BCL2L14: variants seen among roughly 807,000 people sequenced by gnomAD.
BCL2L14 encodes BCL2 like 14, also known as apoptosis facilitator Bcl-2-like protein 14.
Under a neutral mutation model 35.3 loss-of-function variants are expected in BCL2L14, and 27 were observed. The observed-to-expected ratio is 0.76, with a 90% confidence interval of 0.56 to 1.05. BCL2L14 has a LOEUF of 1.05. BCL2L14 is among the 50% of genes least tolerant of loss of function. The probability of loss-of-function intolerance (pLI) is 0.00; values close to 1 mark genes in which losing one functional copy is unlikely to be tolerated. For missense variants in BCL2L14, 377 were observed against 382.6 expected (o/e 0.99, Z 0.12); for synonymous variants, 139 against 145.9 (o/e 0.95, Z 0.34).
intron 1 of BCL2L14, among the ~76,000 whole-genome samples, chr12:12,050,539 G>A (rs1450787759): frequency 2.0e-5 from 3 of 151,716 alleles, no homozygotes; most frequent in African/African-American, 7.3e-5. Context: ...ACTTATTAGT[G>A]AGGAGTCTGC....
rs544539881 is a variant in BCL2L14 at position 12,055,411 on chromosome 12, A to G, written c.-272+3564A>G. ...GATCTACTCTCCAGGAACACAAGAAACTCACCATTCTAACGGTTCATAAAT... is the reference window on the plus strand; with the variant it reads ...GATCTACTCTCCAGGAACACAAGAAGCTCACCATTCTAACGGTTCATAAAT... On this transcript the variant is annotated intron_variant, in intron 2 of 3. Coordinates refer to the BCL2L14 transcript ENST00000461264. The G allele has an allele frequency of 5.9e-5, 9 of 152,170 alleles. No homozygotes were observed. In the East Asian group the frequency reaches 1.7e-3, roughly 29 times the overall value. The allele number at this position is 152,170 out of a possible 1,614,324, so 9.4% of individuals were successfully genotyped here.
intron 3 of BCL2L14, among the ~76,000 whole-genome samples, chr12:12,088,803 A>G (rs575744160): frequency 2.0e-5 from 3 of 152,268 alleles, no homozygotes; most frequent in African/African-American, 7.2e-5. Context: ...CGGTAGCCAC[A>G]CTAAAGGGGC....
At chr12:12,064,844 C>A (rs1948575015) in intron 2 of BCL2L14, among the ~76,000 whole-genome samples, 1 of 152,212 alleles carries the variant, frequency 6.6e-6, no homozygotes, top group Non-Finnish European at 1.5e-5. Flanking sequence ...GTAGTCAGAT[C>A]TCCTATCACG....
At chr12:12,080,051 A>G (rs1434308115) in intron 2 of BCL2L14, among the ~76,000 whole-genome samples, 10 of 152,140 alleles carry the variant, frequency 6.6e-5, no homozygotes, top group Admixed American at 6.5e-4. Context: ...AAAAAATACA[A>G]AAAATTAGCC....
upstream of BCL2L14, among the ~76,000 whole-genome samples, chr12:12,067,272 G>A (rs1257174433): frequency 6.6e-6 from 1 of 152,102 alleles, no homozygotes. Context: ...TATGATGGCT[G>A]GACGTGGTGG....
intron 2 of BCL2L14, chr12:12,055,777 C>T (rs1188849688): frequency 6.6e-6 from 1 of 152,222 alleles, no homozygotes; most frequent in African/African-American, 2.4e-5. Context: ...CTTCTTCTGT[C>T]ATTAACATTT....
intron 2 of BCL2L14, among the ~76,000 whole-genome samples, chr12:12,083,109 C>T (rs549711064): frequency 1.3e-5 from 2 of 152,182 alleles, no homozygotes; most frequent in South Asian, 4.2e-4. Context: ...GGACTACGGG[C>T]GCCCACCACC....
At chr12:12,096,597 A>G (rs1949317577) in intron 5 of BCL2L14, among the ~76,000 whole-genome samples, 1 of 152,260 alleles carries the variant, frequency 6.6e-6, no homozygotes, top group African/African-American at 2.4e-5. Flanking sequence ...CATTTCTCCA[A>G]AGAATATATA....
chr12:12,056,567 C>T lies in BCL2L14; in HGVS notation c.-272+4720C>T, dbSNP rs183009677. Among the ~76,000 whole-genome samples the T allele has an allele frequency of 1.8e-3, 270 of 152,324 alleles. 6 individuals are homozygous for T. Among genetic ancestry groups the T allele is most frequent in the Admixed American group, 0.015 (234 of 15,296 alleles). Reference sequence around the variant, plus strand: ...TTAATAGGCTGGGCACGGTGGCTCACGCTCACTCGTAATCCCAGCACTTTG... The same window carrying T: ...TTAATAGGCTGGGCACGGTGGCTCATGCTCACTCGTAATCCCAGCACTTTG... On this transcript the variant is annotated intron_variant, in intron 2 of 3. Transcript: ENST00000461264.
At chr12:12,058,376 G>C (rs11054652) in intron 2 of BCL2L14, among the ~76,000 whole-genome samples, 72,407 of 151,620 alleles carry the variant, frequency 0.48, 17,829 homozygotes, top group East Asian at 0.77. Context: ...TCAGCCTCCC[G>C]AGTAGCTGGG....
At chr12:12,066,179 G>A (rs552811970), upstream of BCL2L14, among the ~76,000 whole-genome samples, 3 of 152,338 alleles carry the variant, frequency 2.0e-5, no homozygotes, top group Non-Finnish European at 2.9e-5. Context: ...GGAGTGGCAT[G>A]TTGACCCCTT....
In BCL2L14 at chr12:12,094,783, A is replaced by G; in HGVS notation, c.798A>G (p.Lys266=). ...GVDPRGESEV[K]AQGFKAALVI... ...ACCCCAGGGGAGAATCAGAGGTCAAAGCTCAGGGCTTTAAGGCTGCCCTTG... is the reference window on the plus strand; with the variant it reads ...ACCCCAGGGGAGAATCAGAGGTCAAGGCTCAGGGCTTTAAGGCTGCCCTTG... Residue 266 remains lysine (K), a synonymous_variant, in exon 5 of 6, where the codon AAA becomes AAG. Transcript: ENST00000308721. The G allele has an allele frequency of 4.3e-6, 7 of 1,614,224 alleles. No individual in the cohort carries two copies. The highest frequency in any genetic ancestry group is 1.6e-4 in the Middle Eastern group (1 of 6,062).
chr12:12,089,226 A>G (rs899184775), intron 3 of BCL2L14, among the ~76,000 whole-genome samples: 8 of 151,710 alleles, frequency 5.3e-5, no homozygotes, highest in African/African-American at 1.7e-4. Flanking sequence ...AAAATTAGCC[A>G]GGCATAGTGG....
chr12:12,074,058 A>T (rs1389783185), intron 1 of BCL2L14, among the ~76,000 whole-genome samples: 2 of 152,186 alleles, frequency 1.3e-5, no homozygotes, highest in African/African-American at 4.8e-5. Flanking sequence ...AATAACAAAT[A>T]TAAGTGTCTT....
intron 5 of BCL2L14, among the ~76,000 whole-genome samples, chr12:12,097,599 C>G (rs1159047497): frequency 6.6e-6 from 1 of 152,092 alleles, no homozygotes. Context: ...GTCCTAAAAT[C>G]AGAGGCGATG....
At chr12:12,078,484 C>T (rs1185647497) in intron 1 of BCL2L14, among the ~76,000 whole-genome samples, 1 of 152,176 alleles carries the variant, frequency 6.6e-6, no homozygotes, top group Non-Finnish European at 1.5e-5. Context: ...AGTCAAAGAC[C>T]ACCATAATCT....
chr12:12,088,378 C>T (rs908014172), intron 3 of BCL2L14, among the ~76,000 whole-genome samples: 6 of 152,096 alleles, frequency 3.9e-5, no homozygotes, highest in African/African-American at 9.7e-5. Flanking sequence ...CATCTTATTA[C>T]GCAAGTGGGC....
At chr12:12,067,743 A>G (rs748321956), upstream of BCL2L14, among the ~76,000 whole-genome samples, 14 of 152,294 alleles carry the variant, frequency 9.2e-5, no homozygotes, top group South Asian at 1.9e-3. Flanking sequence ...CAGCATGTCT[A>G]TGTTTACAAT....
intron 3 of BCL2L14, among the ~76,000 whole-genome samples, chr12:12,088,460 G>A (rs1483777688): frequency 1.3e-5 from 2 of 152,088 alleles, no homozygotes; most frequent in Non-Finnish European, 2.9e-5. Flanking sequence ...GGGAAAATGC[G>A]GCCGCCATGT....
Sources: gnomAD v4.1 joint callset for allele counts (sites outside exome capture counted in the v4.1 genomes callset) on GRCh38, gnomAD v4.1.1 for gene constraint, MANE v1.5 for transcripts, NCBI Gene and HGNC (gene_info 2026-07-23, HGNC 2026-07-21) for gene names.